Variants in CNTN4 observed in about 807,000 individuals in gnomAD.
The protein encoded by CNTN4 is contactin-4.
CNTN4 carries 77 observed loss-of-function variants against 122.5 expected under a neutral mutation model. The ratio of observed to expected loss-of-function variants is 0.63; its 90% CI spans 0.52 to 0.76. The LOEUF (loss-of-function observed/expected upper bound fraction) is 0.76. Among genes scored for constraint, CNTN4 ranks in the 30% least tolerant of loss-of-function variants. The probability of loss-of-function intolerance (pLI) is 0.00; values close to 1 mark genes in which losing one functional copy is unlikely to be tolerated. For missense variants in CNTN4, 1,256 were observed against 1,259.1 expected (o/e 1.00, Z 0.04); for synonymous variants, 512 against 447.0 (o/e 1.15, Z -1.83).
chr3:2,279,456 C>A (rs1317518637), intron 2 of CNTN4, among the ~76,000 whole-genome samples: 2 of 152,144 alleles, frequency 1.3e-5, no homozygotes, highest in Non-Finnish European at 2.9e-5. Flanking sequence ...ACAAGGGAGA[C>A]ATCATCACAT....
At chr3:2,221,894 A>G (rs2039075975) in intron 2 of CNTN4, among the ~76,000 whole-genome samples, 1 of 152,188 alleles carries the variant, frequency 6.6e-6, no homozygotes, top group Non-Finnish European at 1.5e-5. Context: ...CAGTAATAAC[A>G]CTTTTTAAAT....
intron 3 of CNTN4, among the ~76,000 whole-genome samples, chr3:2,530,132 A>G (rs2077542345): frequency 6.6e-6 from 1 of 152,120 alleles, no homozygotes; most frequent in South Asian, 2.1e-4. Context: ...ATTTGAGAGC[A>G]GTAGGAGCTT....
chr3:2,255,268 G>A (rs185395859), intron 2 of CNTN4, among the ~76,000 whole-genome samples: 79 of 151,432 alleles, frequency 5.2e-4, no homozygotes, highest in Admixed American at 2.3e-3. Flanking sequence ...TACCAGTACC[G>A]TGCTGGATTT....
intron 4 of CNTN4, among the ~76,000 whole-genome samples, chr3:2,596,826 T>C (rs1017267060): frequency 6.6e-6 from 1 of 152,196 alleles, no homozygotes; most frequent in Non-Finnish European, 1.5e-5. Context: ...CAATAAATGC[T>C]ATGTGCTGAG....
chr3:2,194,857 C>G (rs1202247520), intron 2 of CNTN4, among the ~76,000 whole-genome samples: 1 of 152,134 alleles, frequency 6.6e-6, no homozygotes, highest in African/African-American at 2.4e-5. Flanking sequence ...TGGCCCTGCT[C>G]ACACCTTGAT....
At chr3:2,278,311 G>T (rs1025163479) in intron 2 of CNTN4, among the ~76,000 whole-genome samples, 1 of 152,130 alleles carries the variant, frequency 6.6e-6, no homozygotes, top group Non-Finnish European at 1.5e-5. Flanking sequence ...TTAGTCTTTG[G>T]AATTGGCTTT....
chr3:2,700,269 C>T (rs7617667), intron 4 of CNTN4, among the ~76,000 whole-genome samples: 71,352 of 152,008 alleles, frequency 0.47, 17,095 homozygotes, highest in Middle Eastern at 0.53. Context: ...TTCTCTCATT[C>T]TAGAGATAGT....
intron 14 of CNTN4, among the ~76,000 whole-genome samples, chr3:3,022,754 A>T (rs1698408825): frequency 6.6e-6 from 1 of 152,164 alleles, no homozygotes. Context: ...AGGAGAATTA[A>T]GCACTTGGTA....
At chr3:2,643,701 G>T (rs57226177) in intron 4 of CNTN4, among the ~76,000 whole-genome samples, 5 of 152,154 alleles carry the variant, frequency 3.3e-5, no homozygotes, top group Admixed American at 6.6e-5. Flanking sequence ...CTATAAAGGA[G>T]ATAAAAGTGG....
intron 3 of CNTN4, among the ~76,000 whole-genome samples, chr3:2,487,773 T>C (rs1461774138): frequency 6.6e-6 from 1 of 152,236 alleles, no homozygotes; most frequent in Non-Finnish European, 1.5e-5. Flanking sequence ...GTTTACGCTT[T>C]CCTTTCATTT....
intron 2 of CNTN4, among the ~76,000 whole-genome samples, chr3:2,296,940 C>G (rs1213755674): frequency 6.6e-6 from 1 of 151,962 alleles, no homozygotes; most frequent in East Asian, 1.9e-4. Flanking sequence ...TTTCTATTTT[C>G]TTCTGAAAAG....
At chr3:2,167,755 G>C (rs2036265780) in intron 2 of CNTN4, among the ~76,000 whole-genome samples, 2 of 152,126 alleles carry the variant, frequency 1.3e-5, no homozygotes, top group African/African-American at 4.8e-5. Context: ...ATACTTCTTT[G>C]TTTTCACCCT....
intron 7 of CNTN4, among the ~76,000 whole-genome samples, chr3:2,821,722 A>G (rs565171759): frequency 1.1e-4 from 16 of 152,204 alleles, no homozygotes; most frequent in Non-Finnish European, 2.4e-4. Flanking sequence ...TGGAGGTTTA[A>G]TAAGTAGTAA....
At chr3:2,344,989 A>G (rs1575422998) in intron 3 of CNTN4, among the ~76,000 whole-genome samples, 1 of 152,196 alleles carries the variant, frequency 6.6e-6, no homozygotes, top group Middle Eastern at 3.2e-3. Context: ...TGTCAGGGAA[A>G]TAGTTGACAG....
rs1434504699 is a variant in CNTN4 at position 2,149,922 on chromosome 3, C to A, written c.-145+49283C>A. Among the ~76,000 whole-genome samples, 3 of 150,108 alleles carry A rather than the reference C, an allele frequency of 2.0e-5. No individual in the cohort carries two copies. The East Asian group carries it at 5.9e-4, about 29-fold the overall frequency. On this transcript the variant is annotated intron_variant, in intron 2 of 24. Coordinates refer to ENST00000418658, the MANE Select transcript of CNTN4 (RefSeq NM_175607.3). ...TAACCAAAAAGGTTGTCAGGCAGAC[C>A]TTTGCGTTTTAATGCAAATTCAACA...
intron 13 of CNTN4, among the ~76,000 whole-genome samples, chr3:2,967,382 A>G (rs1692427627): frequency 6.6e-6 from 1 of 152,108 alleles, no homozygotes; most frequent in South Asian, 2.1e-4. Flanking sequence ...GGGAGGGAAG[A>G]ATCTTGTAGC....
chr3:2,595,746 T>A (rs2080738364), intron 4 of CNTN4, among the ~76,000 whole-genome samples: 1 of 152,268 alleles, frequency 6.6e-6, no homozygotes, highest in Non-Finnish European at 1.5e-5. Context: ...TTGTCCAGAG[T>A]TCAGAGAGTG....
chr3:2,611,542 T>C (rs79741282), intron 4 of CNTN4, among the ~76,000 whole-genome samples: 1,559 of 152,202 alleles, frequency 0.01, 24 homozygotes, highest in Admixed American at 0.036. Context: ...GAATTCACTT[T>C]GTAAGGTCCA....
chr3:2,272,754 A>G (rs1207335540), intron 2 of CNTN4, among the ~76,000 whole-genome samples: 1 of 151,974 alleles, frequency 6.6e-6, no homozygotes, highest in Non-Finnish European at 1.5e-5. Context: ...GTGATTACTT[A>G]TGGTTTCTCA....
Sources: allele counts gnomAD v4.1 joint callset (sites outside exome capture counted in the v4.1 genomes callset), GRCh38; gene constraint gnomAD v4.1.1; transcripts MANE v1.5; gene names NCBI Gene and HGNC (gene_info 2026-07-23, HGNC 2026-07-21).